The following THBS4 variants were observed in gnomAD, a reference collection of about 807,000 sequenced individuals.
THBS4 encodes thrombospondin-4.
Under a neutral mutation model 115.7 loss-of-function variants are expected in THBS4, and 90 were observed. The observed-to-expected ratio is 0.78, with a 90% confidence interval of 0.66 to 0.93. The LOEUF (loss-of-function observed/expected upper bound fraction) is 0.93. Ranked by LOEUF, THBS4 falls within the 40% of genes least tolerant of loss-of-function variation. The probability of loss-of-function intolerance (pLI) is 0.00; values close to 1 mark genes in which losing one functional copy is unlikely to be tolerated. For missense variants in THBS4, 1,087 were observed against 1,232.7 expected (o/e 0.88, Z 1.77); for synonymous variants, 460 against 479.3 (o/e 0.96, Z 0.53).
intron 2 of THBS4, among the ~76,000 whole-genome samples, chr5:80,016,272 A>G (rs930171745): frequency 6.6e-6 from 1 of 152,214 alleles, no homozygotes. Flanking sequence ...TTGACCGATT[A>G]TATGTGCTCA....
At chr5:80,036,205 C>A (rs1832714182) in intron 1 of THBS4, 11 of 985,160 alleles carry the variant, frequency 1.1e-5, no homozygotes, top group Non-Finnish European at 1.3e-5. Flanking sequence ...AGAAACTGGT[C>A]TTTTTCAATG....
At chr5:80,073,195 G>A in intron 14 of THBS4, 80 bp from the exon 15 acceptor site, 1 of 1,414,518 alleles carries the variant, frequency 7.1e-7, no homozygotes, top group Non-Finnish European at 1.0e-6. Flanking sequence ...ATCCAATGAT[G>A]ATGGGTGAGG....
chr5:80,020,577 T>G (rs1479563157), intron 2 of THBS4, among the ~76,000 whole-genome samples: 1 of 152,192 alleles, frequency 6.6e-6, no homozygotes, highest in African/African-American at 2.4e-5. Flanking sequence ...GTCAGAGGAC[T>G]CCAACTGTAC....
chr5:80,043,213 C>T (rs1022408589), intron 2 of THBS4, among the ~76,000 whole-genome samples: 9 of 151,928 alleles, frequency 5.9e-5, no homozygotes, highest in Non-Finnish European at 1.2e-4. Context: ...CTGGAGCAGT[C>T]GGAAAAAATA....
intron 5 of THBS4, 109 bp from the exon 6 acceptor site, chr5:80,059,327 CAAAA>C: frequency 2.8e-3 from 2,159 of 771,648 alleles, no homozygotes; most frequent in Middle Eastern, 4.1e-3. Context: ...GAGACTGTCT[CAAAA>C]AAAAAAAAAA....
chr5:80,066,078 G>A (rs966508063), intron 9 of THBS4, among the ~76,000 whole-genome samples: 1 of 131,324 alleles, frequency 7.6e-6, no homozygotes, highest in African/African-American at 2.9e-5. Flanking sequence ...CTGGGCGACA[G>A]AGCAAGACTC....
intron 2 of THBS4, among the ~76,000 whole-genome samples, chr5:80,001,161 G>A (rs1049932321): frequency 5.3e-5 from 8 of 152,116 alleles, no homozygotes; most frequent in South Asian, 4.1e-4. Context: ...TTACAACTCC[G>A]TTGAACATAT....
chr5:80,008,604 T>C (rs527540339), intron 2 of THBS4, among the ~76,000 whole-genome samples: 1 of 152,054 alleles, frequency 6.6e-6, no homozygotes, highest in Non-Finnish European at 1.5e-5. Flanking sequence ...GCCAATTAAT[T>C]TGGAAAATAC....
chr5:80,083,269 A>G lies in THBS4; in HGVS notation c.*128A>G. ...TTATGTGAATGTGGCAATAAAGGAG[A>G]AGAGATCATTTTTAAAAACCGTGTT... is the stretch of plus-strand genomic sequence containing the variant. On this transcript the variant is annotated 3_prime_UTR_variant, in exon 22 of 22. Transcript: ENST00000350881. The G allele has an allele frequency of 3.6e-6, 3 of 833,276 alleles. No homozygotes were observed. In the Middle Eastern group the frequency reaches 7.0e-4, roughly 194 times the overall value. The allele number at this position is 833,276 out of a possible 1,614,324, so 51.6% of individuals were successfully genotyped here. A position where few individuals can be genotyped will look rare whatever the true frequency, so the allele number is the denominator to read the frequency against.
rs1271711247 is a variant in THBS4 at position 80,070,658 on chromosome 5, G to T, written c.1468G>T (p.Val490Leu). 3 of 1,614,062 alleles carry T rather than the reference G, an allele frequency of 1.9e-6. No individual in the cohort carries two copies. Among genetic ancestry groups the T allele is most frequent in the East Asian group, 2.2e-5 (1 of 44,902 alleles). The change falls in exon 12 of 22, where the codon GTG (valine) becomes TTG (leucine). Residue 490 changes from valine (V) to leucine (L), a missense_variant. Val to Leu is a conservative substitution (Grantham distance 32, BLOSUM62 1). This residue lies in a region of THBS4 where 979 missense variants were observed against 1,103.7 expected (regional missense o/e 0.89). Transcript: ENST00000350881. ...TCCCCCTAAGGACAACTGCAAATATGTGCCAAATTCTGGCCAAGAAGATGC... is the reference window on the plus strand; with the variant it reads ...TCCCCCTAAGGACAACTGCAAATATTTGCCAAATTCTGGCCAAGAAGATGC... ...RNCKKDNCKYVPNSGQEDADR... is the reference protein window; with the variant it reads ...RNCKKDNCKYLPNSGQEDADR...
chr5:80,068,043 G>T lies in THBS4; in HGVS notation c.1265G>T (p.Arg422Ile). The T allele has an allele frequency of 6.2e-7, 1 of 1,614,218 alleles. No homozygotes were observed. Among genetic ancestry groups the T allele is most frequent in the East Asian group, 2.2e-5 (1 of 44,884 alleles). The change falls in exon 10 of 22, where the codon AGA becomes ATA. Residue 422 changes from arginine to isoleucine, a missense_variant. Transcript: ENST00000350881. ...CAGATAAGGGGATGCAAAGCGGAAA[G>T]AAACTGCAGAAACCCAGAGCTGAAC... is the stretch of plus-strand genomic sequence containing the variant. Reference protein sequence around the residue: ...GDQIRGCKAERNCRNPELNPC... With the variant: ...GDQIRGCKAEINCRNPELNPC...
chr5:80,023,815 G>C (rs1403521006), intron 2 of THBS4, among the ~76,000 whole-genome samples: 1 of 152,072 alleles, frequency 6.6e-6, no homozygotes, highest in Non-Finnish European at 1.5e-5. Flanking sequence ...GAGATCACAT[G>C]GTGGGAGGGG....
intron 2 of THBS4, among the ~76,000 whole-genome samples, chr5:79,999,045 C>T (rs1246597235): frequency 1.3e-5 from 2 of 152,130 alleles, no homozygotes; most frequent in Non-Finnish European, 2.9e-5. Context: ...ATTCAGTCAA[C>T]CTTGGAAATC....
chr5:80,023,851 G>A (rs1242085630), intron 2 of THBS4, among the ~76,000 whole-genome samples: 1 of 152,062 alleles, frequency 6.6e-6, no homozygotes, highest in African/African-American at 2.4e-5. Context: ...CAAGGAGCCA[G>A]GCTCTTTCTC....
upstream of THBS4, among the ~76,000 whole-genome samples, chr5:80,030,604 T>C (rs1832566496): frequency 6.6e-6 from 1 of 152,152 alleles, no homozygotes; most frequent in Non-Finnish European, 1.5e-5. Context: ...CCTGACCTTG[T>C]GATCCACCGG....
chr5:80,052,575 G>A (rs1235194755), intron 2 of THBS4: 2 of 152,116 alleles, frequency 1.3e-5, no homozygotes, highest in African/African-American at 2.4e-5. Flanking sequence ...AGGTCTTTCC[G>A]ATTCTTCTCC....
At chr5:80,021,109 T>C (rs1325640887) in intron 2 of THBS4, among the ~76,000 whole-genome samples, 1 of 152,190 alleles carries the variant, frequency 6.6e-6, no homozygotes, top group Non-Finnish European at 1.5e-5. Flanking sequence ...ATTTGGTAGC[T>C]ATAGAGAATC....
intron 2 of THBS4, among the ~76,000 whole-genome samples, chr5:80,010,803 G>A (rs1318248474): frequency 2.0e-5 from 3 of 152,262 alleles, no homozygotes; most frequent in African/African-American, 7.2e-5. Flanking sequence ...GAGCTGGGAT[G>A]AGACCAGATA....
chr5:80,000,341 A>G (rs1020845009), intron 2 of THBS4, among the ~76,000 whole-genome samples: 1 of 152,132 alleles, frequency 6.6e-6, no homozygotes, highest in African/African-American at 2.4e-5. Flanking sequence ...AAATGTCTCA[A>G]AGTTACCCTT....
Sources: gnomAD v4.1 joint callset for allele counts (sites outside exome capture counted in the v4.1 genomes callset) on GRCh38, gnomAD v4.1.1 for gene constraint, gnomAD v4.1.1 regional missense constraint, MANE v1.5 for transcripts, NCBI Gene and HGNC (gene_info 2026-07-23, HGNC 2026-07-21) for gene names.